ABCA13: variants seen among roughly 807,000 people sequenced by gnomAD.
The protein encoded by ABCA13 is ATP-binding cassette sub-family A member 13.
In ABCA13, 476 loss-of-function variants were observed where a neutral mutation model predicts 478.7. That is an observed-to-expected ratio of 0.99 (90% CI 0.92 to 1.07). The LOEUF (loss-of-function observed/expected upper bound fraction) is 1.07. Ranked by LOEUF, ABCA13 falls within the 50% of genes least tolerant of loss-of-function variation. The probability of loss-of-function intolerance (pLI) is 0.00; values close to 1 mark genes in which losing one functional copy is unlikely to be tolerated. For synonymous variants in ABCA13, 2,252 were observed against 2,158.9 expected, an observed-to-expected ratio of 1.04 and a Z score of -1.20; for missense variants, 6,060 against 5,910.6, an observed-to-expected ratio of 1.03 and a Z score of -0.83.
chr7:48,188,475 G>C (rs903071523), intron 1 of ABCA13, among the ~76,000 whole-genome samples: 1 of 152,208 alleles, frequency 6.6e-6, no homozygotes, highest in African/African-American at 2.4e-5. Flanking sequence ...AGGATTATGA[G>C]GGGACATTGT....
rs78596656 is a variant in ABCA13, at chr7:48,305,234, G to A, written c.9322-4713G>A. Among the ~76,000 whole-genome samples the A allele has an allele frequency of 6.8e-3, 1,029 of 151,568 alleles. 12 individuals carry two copies. Among genetic ancestry groups the A allele is most frequent in the African/African-American group, 0.024 (985 of 41,252 alleles). On this transcript the variant is annotated intron_variant, in intron 23 of 61. Coordinates refer to ENST00000435803, the MANE Select transcript of ABCA13 (RefSeq NM_152701.5). ...AGAAACTGAAGTGTGTAGATGTTAA[G>A]CAGCTTTCAGGAAGTCAGACGGTAA...
At chr7:48,458,259 C>T (rs1825880326) in intron 43 of ABCA13, among the ~76,000 whole-genome samples, 1 of 152,158 alleles carries the variant, frequency 6.6e-6, no homozygotes, top group Non-Finnish European at 1.5e-5. Flanking sequence ...AAAAGGGGCC[C>T]AGATTTTCAC....
chr7:48,363,868 CTTGTTTAAA>C (rs946428840), intron 31 of ABCA13, among the ~76,000 whole-genome samples: 24 of 152,018 alleles, frequency 1.6e-4, no homozygotes, highest in African/African-American at 5.6e-4. Flanking sequence ...AGGGGCTTGC[CTTGTTTAAA>C]TTGTTTAAAT....
rs1011992007 is a variant in ABCA13, at chr7:48,461,446, C to T, written c.12816-5510C>T. 3.9e-5 allele frequency among the ~76,000 whole-genome samples: 6 copies of T among 152,192 alleles called. No homozygotes were observed. The South Asian group carries it at 1.2e-3, about 32-fold the overall frequency. ...TTTCTCAATGTAACTCGCCCATGGT[C>T]CTTTTACAGTCCAGTGGGAAAAAAC... On this transcript the variant is annotated intron_variant, in intron 43 of 61. Coordinates refer to ENST00000435803, the MANE Select transcript of ABCA13 (RefSeq NM_152701.5).
intron 38 of ABCA13, among the ~76,000 whole-genome samples, chr7:48,393,627 C>T (rs1038063942): frequency 7.9e-5 from 12 of 152,090 alleles, no homozygotes; most frequent in Admixed American, 6.5e-5. Flanking sequence ...TATGGTGTAA[C>T]CTTATTTCTT....
At position 48,643,378 on chromosome 7, in the gene ABCA13, A is replaced by T. The variant is rs569464549; in HGVS notation, c.14928A>T (p.Pro4976=). The change falls in exon 60 of 62, where the codon CCA becomes CCT. Residue 4976 remains proline, a synonymous_variant. Transcript: ENST00000435803. ...TVSDHLKLYF[P]GIQFKGQHLN... is the part of the protein sequence containing the mutation. ...CTGACCACTTGAAGCTTTATTTTCC[A>T]GGAATTCAGTTCAAGGTAGTGCTAA... The T allele has an allele frequency of 6.2e-7, 1 of 1,613,256 alleles. No homozygotes were observed. Among genetic ancestry groups the T allele is most frequent in the African/African-American group, 1.3e-5 (1 of 75,022 alleles).
Position 48,585,786 on chromosome 7 carries a change from T to C in ABCA13, c.14506-1368T>C, listed in dbSNP as rs35568687. 2.9e-3 allele frequency among the ~76,000 whole-genome samples: 444 copies of C among 152,216 alleles called. 3 individuals are homozygous for C. Among genetic ancestry groups the C allele is most frequent in the African/African-American group, 0.01 (418 of 41,500 alleles). On this transcript the variant is annotated intron_variant, in intron 56 of 61. Coordinates refer to ENST00000435803, the MANE Select transcript of ABCA13 (RefSeq NM_152701.5). ...ATCTTGGTCAATTTGGCTATATGAT[T>C]ATATCTAAAAAATGAATCTATATTA... is the stretch of plus-strand genomic sequence containing the variant.
chr7:48,257,879 G>A (rs1223701510), intron 15 of ABCA13, among the ~76,000 whole-genome samples: 1 of 152,074 alleles, frequency 6.6e-6, no homozygotes, highest in Admixed American at 6.6e-5. Context: ...CAGTAGGGAT[G>A]GTATCAGTTC....
rs1175204178 is a variant in ABCA13, at chr7:48,279,086, T to G, written c.7892T>G (p.Phe2631Cys). ...TCATATATGAACCAATCTAAGGACT[T>G]TTCTGATATTTTGGAAGAAATTGCT... Reference protein sequence around the residue: ...ILSYMNQSKDFSDILEEIAEF... With the variant: ...ILSYMNQSKDCSDILEEIAEF... The change falls in exon 18 of 62, where the codon TTT becomes TGT. Residue 2631 changes from phenylalanine (F) to cysteine (C), a missense_variant. Physicochemically the swap from Phe to Cys is radical, Grantham distance 205. Coordinates refer to ENST00000435803, the MANE Select transcript of ABCA13 (RefSeq NM_152701.5). 6.2e-7 allele frequency: 1 copy of G among 1,612,484 alleles called. No individual in the cohort carries two copies. The highest frequency in any genetic ancestry group is 8.5e-7 in the Non-Finnish European group (1 of 1,179,668).
chr7:48,531,368 G>C (rs565253093), intron 55 of ABCA13, among the ~76,000 whole-genome samples: 1 of 152,212 alleles, frequency 6.6e-6, no homozygotes, highest in Admixed American at 6.5e-5. Context: ...TTTTATACAA[G>C]TACCATTCTG....
intron 55 of ABCA13, among the ~76,000 whole-genome samples, chr7:48,565,962 A>C (rs1365529902): frequency 6.6e-6 from 1 of 152,182 alleles, no homozygotes; most frequent in Non-Finnish European, 1.5e-5. Context: ...CAGGTGGTAA[A>C]CTGGGGGTTA....
At position 48,589,016 on chromosome 7, in the gene ABCA13, T is replaced by C. The variant is rs565511578; in HGVS notation, c.14640+1728T>C. 7.9e-5 allele frequency among the ~76,000 whole-genome samples: 12 copies of C among 152,334 alleles called. No individual in the cohort carries two copies. The South Asian group carries it at 1.9e-3, about 24-fold the overall frequency. On this transcript the variant is annotated intron_variant, in intron 57 of 61. Transcript: ENST00000435803. ...GATATTTATTTTCCTGTTCAGTGCT[T>C]CTCCCCCTACACTTACTGCTTCCCA...
intron 15 of ABCA13, among the ~76,000 whole-genome samples, chr7:48,257,409 C>T (rs968966814): frequency 6.6e-6 from 1 of 152,084 alleles, no homozygotes; most frequent in African/African-American, 2.4e-5. Flanking sequence ...CTAGCTCTTT[C>T]CCACTTAGTA....
chr7:48,536,423 G>A (rs540798114), intron 55 of ABCA13, among the ~76,000 whole-genome samples: 1 of 152,226 alleles, frequency 6.6e-6, no homozygotes, highest in South Asian at 2.1e-4. Context: ...CGAGGTGGGA[G>A]GATCACCTGA....
chr7:48,367,896 A>G lies in ABCA13; in HGVS notation c.10791A>G (p.Ile3597Met). 1 of 1,571,136 alleles carries G rather than the reference A, an allele frequency of 6.4e-7. No individual in the cohort carries two copies. Among genetic ancestry groups the G allele is most frequent in the South Asian group, 1.2e-5 (1 of 85,302 alleles). ...MVRKLVYEQEIQIEEYMRMMG... is the reference protein window; with the variant it reads ...MVRKLVYEQEMQIEEYMRMMG... Reference sequence around the variant, plus strand: ...GAAAGTTGGTGTATGAGCAGGAGATACAGATAGAAGAGGTAAATATCCTTA... The same window carrying G: ...GAAAGTTGGTGTATGAGCAGGAGATGCAGATAGAAGAGGTAAATATCCTTA... Residue 3597 changes from isoleucine (I) to methionine (M), a missense_variant, in exon 32 of 62, where the codon ATA becomes ATG. This residue lies in a region of ABCA13 where 4,423 missense variants were observed against 4,309.1 expected (regional missense o/e 1.03). Transcript: ENST00000435803.
intron 41 of ABCA13, among the ~76,000 whole-genome samples, chr7:48,426,838 A>T (rs1821489615): frequency 6.6e-6 from 1 of 152,164 alleles, no homozygotes; most frequent in African/African-American, 2.4e-5. Context: ...GGCACTTTAC[A>T]GCCATCATCT....
rs532482168 is a variant in ABCA13 at position 48,201,048 on chromosome 7, C to T, written c.287+2688C>T. On this transcript the variant is annotated intron_variant, in intron 3 of 61. Coordinates refer to ENST00000435803, the MANE Select transcript of ABCA13 (RefSeq NM_152701.5). ...CTGAGCATCGGAGGCTCGCTCACCG[C>T]GCAGAGCTCTCAGGCTCCGCCTACT... Among the ~76,000 whole-genome samples the T allele has an allele frequency of 1.3e-5, 2 of 152,232 alleles. 1 individual carries two copies. The highest frequency in any genetic ancestry group is 4.1e-4 in the South Asian group (2 of 4,826).
intron 42 of ABCA13, among the ~76,000 whole-genome samples, chr7:48,449,331 C>T (rs1012288700): frequency 6.6e-5 from 10 of 151,968 alleles, no homozygotes; most frequent in Non-Finnish European, 8.8e-5. Flanking sequence ...CTTCCCTTTT[C>T]TATTCTTCTT....
intron 23 of ABCA13, among the ~76,000 whole-genome samples, chr7:48,299,893 C>T (rs1473505266): frequency 6.6e-6 from 1 of 152,126 alleles, no homozygotes; most frequent in Non-Finnish European, 1.5e-5. Flanking sequence ...TCTTTCTCTA[C>T]CTCTTTGTCA....
Sources: allele counts gnomAD v4.1 joint callset (sites outside exome capture counted in the v4.1 genomes callset), GRCh38; gene constraint gnomAD v4.1.1; regional missense constraint gnomAD v4.1.1; transcripts MANE v1.5; gene names NCBI Gene and HGNC (gene_info 2026-07-23, HGNC 2026-07-21).